The following GATB variants were observed in gnomAD, a reference collection of about 807,000 sequenced individuals.
GATB encodes the protein glutamyl-tRNA(Gln) amidotransferase subunit B, mitochondrial.
Under a neutral mutation model 62.3 loss-of-function variants are expected in GATB, and 39 were observed. That is an observed-to-expected ratio of 0.63 (90% CI 0.48 to 0.82). The LOEUF (loss-of-function observed/expected upper bound fraction) is 0.82, where lower values mean the gene tolerates loss of function less well. Ranked by LOEUF, GATB falls within the 40% of genes least tolerant of loss-of-function variation. GATB has a pLI of 0.00. For synonymous variants in GATB, 276 were observed against 258.9 expected (o/e 1.07, Z -0.63); for missense variants, 670 against 684.0 (o/e 0.98, Z 0.23).
chr4:151,756,960 T>C (rs1739844895), intron 2 of GATB, among the ~76,000 whole-genome samples: 2 of 152,202 alleles, frequency 1.3e-5, no homozygotes, highest in East Asian at 1.9e-4. Flanking sequence ...TCAGAGCTTA[T>C]GCCTAATCTC....
chr4:151,740,222 T>C (rs148360465), intron 2 of GATB, among the ~76,000 whole-genome samples: 22 of 152,346 alleles, frequency 1.4e-4, no homozygotes, highest in South Asian at 6.2e-4. Flanking sequence ...TCCTAGAAAC[T>C]CTTTCCTAGT....
chr4:151,738,316 A>T (rs1739420447), intron 2 of GATB, among the ~76,000 whole-genome samples: 1 of 152,178 alleles, frequency 6.6e-6, no homozygotes, highest in Admixed American at 6.5e-5. Context: ...GAGGTAACTG[A>T]ATCATGGGGG....
rs367869096 is a variant in GATB, at chr4:151,704,803, C to T, written c.962+382G>A. 7.9e-5 allele frequency among the ~76,000 whole-genome samples: 12 copies of T among 151,304 alleles called. 1 individual carries two copies. The highest frequency in any genetic ancestry group is 2.7e-4 in the African/African-American group (11 of 41,154). On this transcript the variant is annotated intron_variant, in intron 7 of 12. Transcript: ENST00000263985. Reference sequence around the variant, plus strand: ...TCGCTCTGTCGCCCAGGCTGGAGTGCGGTGGCAACATCTCAGCTCACTGCA... The same window carrying T: ...TCGCTCTGTCGCCCAGGCTGGAGTGTGGTGGCAACATCTCAGCTCACTGCA...
In GATB at chr4:151,727,987, G is replaced by A. The variant is rs75070992; in HGVS notation, c.328-8449C>T. 1.1e-4 allele frequency among the ~76,000 whole-genome samples: 16 copies of A among 152,316 alleles called. No homozygotes were observed. In the East Asian group the frequency reaches 3.1e-3, roughly 29 times the overall value. On this transcript the variant is annotated intron_variant, in intron 2 of 12. Coordinates refer to ENST00000263985, the MANE Select transcript of GATB (RefSeq NM_004564.3). ...TCCAAAATAAGGCACAACAGATGCT[G>A]AAATTATGTATTATGTCAACATAAT...
At chr4:151,736,142 C>G (rs936127536) in intron 2 of GATB, among the ~76,000 whole-genome samples, 1 of 152,182 alleles carries the variant, frequency 6.6e-6, no homozygotes, top group African/African-American at 2.4e-5. Context: ...CTAAACTTTC[C>G]TATGCCATAG....
At chr4:151,752,355 G>A (rs537683726) in intron 2 of GATB, among the ~76,000 whole-genome samples, 12 of 152,174 alleles carry the variant, frequency 7.9e-5, no homozygotes, top group African/African-American at 2.9e-4. Flanking sequence ...TTCAATTCTG[G>A]GAAATTAATC....
chr4:151,705,358 T>C, intron 6 of GATB, 89 bp from the exon 7 acceptor site: 2 of 749,250 alleles, frequency 2.7e-6, no homozygotes, highest in Non-Finnish European at 4.4e-6. Context: ...TCTCAATCTC[T>C]AAGTTAAAAA....
intron 3 of GATB, among the ~76,000 whole-genome samples, chr4:151,718,630 C>T (rs1050584804): frequency 2.0e-5 from 3 of 152,194 alleles, no homozygotes; most frequent in Non-Finnish European, 4.4e-5. Context: ...TTTAATTCTA[C>T]TCGTGCCCTC....
At chr4:151,739,082 G>A (rs1363099622) in intron 2 of GATB, among the ~76,000 whole-genome samples, 1 of 152,218 alleles carries the variant, frequency 6.6e-6, no homozygotes, top group Non-Finnish European at 1.5e-5. Context: ...TCCTAAGAAA[G>A]CTGCAAAGCA....
intron 9 of GATB, among the ~76,000 whole-genome samples, chr4:151,696,379 T>C (rs1227054257): frequency 6.6e-6 from 1 of 152,216 alleles, no homozygotes; most frequent in Non-Finnish European, 1.5e-5. Flanking sequence ...GTGGCATGAA[T>C]GTTAACAAAA....
chr4:151,671,211 A>T lies in GATB; in HGVS notation c.1637T>A (p.Met546Lys). ...KATQSRADPV[M>K]IKEILEKKLS... is the part of the protein sequence containing the mutation. ...CTTCTTCTCCAGGATCTCCTTTATC[A>T]TGACTGGATCTGCTCGGCTTTGAGT... Residue 546 changes from methionine (M) to lysine (K), a missense_variant, in exon 13 of 13, where the codon ATG (methionine) becomes AAG (lysine). Transcript: ENST00000263985. 1 of 1,614,138 alleles carries T rather than the reference A, an allele frequency of 6.2e-7. No homozygotes were observed. Among genetic ancestry groups the T allele is most frequent in the Non-Finnish European group, 8.5e-7 (1 of 1,180,020 alleles).
chr4:151,697,945 G>GTGTGTATATATATATATATATA (rs1433481818), intron 9 of GATB, among the ~76,000 whole-genome samples: 1 of 74,690 alleles, frequency 1.3e-5, no homozygotes. Context: ...ATATGTGTGT[G>GTGTGTATATATATATATATATA]TGTGTGTGTA....
chr4:151,755,775 T>G (rs76831878), intron 2 of GATB, among the ~76,000 whole-genome samples: 1 of 152,216 alleles, frequency 6.6e-6, no homozygotes, highest in South Asian at 2.1e-4. Flanking sequence ...TTCCCACTGA[T>G]TTTTGCTTCT....
intron 5 of GATB, among the ~76,000 whole-genome samples, chr4:151,713,245 T>C (rs1280728408): frequency 6.6e-6 from 1 of 152,152 alleles, no homozygotes; most frequent in Non-Finnish European, 1.5e-5. Flanking sequence ...TATTTCACTA[T>C]ATATTACAAT....
intron 2 of GATB, among the ~76,000 whole-genome samples, chr4:151,755,152 G>A (rs1739801883): frequency 1.3e-5 from 2 of 152,076 alleles, no homozygotes. Context: ...TGTTTTAAAG[G>A]TACTGATTCA....
intron 2 of GATB, among the ~76,000 whole-genome samples, chr4:151,749,734 G>A (rs1162327759): frequency 6.6e-6 from 1 of 152,098 alleles, no homozygotes; most frequent in Admixed American, 6.6e-5. Context: ...CTCACACCTG[G>A]GAGCAGAGGG....
chr4:151,677,305 G>A (rs1223522762), intron 11 of GATB: 1 of 152,184 alleles, frequency 6.6e-6, no homozygotes, highest in Non-Finnish European at 1.5e-5. Flanking sequence ...AACAGATTAT[G>A]GAAATGCAAA....
Position 151,709,457 on chromosome 4 carries a change from G to A in GATB, c.764-1356C>T, listed in dbSNP as rs114852196. Among the ~76,000 whole-genome samples, 1,166 of 152,256 alleles carry A rather than the reference G, an allele frequency of 7.7e-3. 14 individuals are homozygous for A. Among genetic ancestry groups the A allele is most frequent in the African/African-American group, 0.026 (1,087 of 41,552 alleles). On this transcript the variant is annotated intron_variant, in intron 5 of 12. Coordinates refer to ENST00000263985, the MANE Select transcript of GATB (RefSeq NM_004564.3). ...TTTAATCCCTTTTTTGACAAGTTGT[G>A]TGTATCTGCATCTCAGGAAGTCCCA...
At chr4:151,686,674 T>C (rs1213746415) in intron 10 of GATB, among the ~76,000 whole-genome samples, 4 of 15,484 alleles carry the variant, frequency 2.6e-4, no homozygotes. Context: ...CCCCCCAGTT[T>C]CCTGGTTTTC....
Sources: gnomAD v4.1 joint callset for allele counts (sites outside exome capture counted in the v4.1 genomes callset) on GRCh38, gnomAD v4.1.1 for gene constraint, MANE v1.5 for transcripts, NCBI Gene and HGNC (gene_info 2026-07-23, HGNC 2026-07-21) for gene names.